Variants in DNAJC6 observed in about 807,000 individuals in gnomAD.
DNAJC6 encodes the protein DnaJ heat shock protein family (Hsp40) member C6.
In DNAJC6, 34 loss-of-function variants were observed where a neutral mutation model predicts 110.0. The observed-to-expected ratio is 0.31, with a 90% CI of 0.24 to 0.41. The LOEUF (loss-of-function observed/expected upper bound fraction) is 0.41. Ranked by LOEUF, DNAJC6 falls within the 10% of genes least tolerant of loss-of-function variation. The pLI, the probability that DNAJC6 is intolerant of heterozygous loss-of-function variation, is 1.00. For missense variants in DNAJC6, 1,031 were observed against 1,207.8 expected (o/e 0.85, Z 2.17); for synonymous variants, 406 against 437.2 (o/e 0.93, Z 0.89).
chr1:65,395,835 A>T (rs1645971610), intron 13 of DNAJC6, among the ~76,000 whole-genome samples: 1 of 152,238 alleles, frequency 6.6e-6, no homozygotes, highest in African/African-American at 2.4e-5. Context: ...ATCCATTTAT[A>T]AAAGTGTGTC....
chr1:65,348,197 C>T (rs1169958719), intron 1 of DNAJC6, among the ~76,000 whole-genome samples: 1 of 152,042 alleles, frequency 6.6e-6, no homozygotes, highest in African/African-American at 2.4e-5. Context: ...TAATTGACAC[C>T]CAGAAATACG....
chr1:65,396,881 A>T, intron 13 of DNAJC6, among the ~76,000 whole-genome samples: 1 of 152,120 alleles, frequency 6.6e-6, no homozygotes, highest in East Asian at 1.9e-4. Context: ...TTTTCCCATC[A>T]AAGTTTCTTT....
At chr1:65,364,226 T>C (rs1429666961) in intron 1 of DNAJC6, among the ~76,000 whole-genome samples, 1 of 152,218 alleles carries the variant, frequency 6.6e-6, no homozygotes, top group African/African-American at 2.4e-5. Context: ...TATATTTAAA[T>C]TATTATTTCA....
chr1:65,281,606 G>GT (rs201135715), intron 1 of DNAJC6, among the ~76,000 whole-genome samples: 5,630 of 149,356 alleles, frequency 0.038, 323 homozygotes, highest in African/African-American at 0.12. Context: ...ATTCCTTTTA[G>GT]TTTTTTTTTT....
chr1:65,385,541 T>C (rs996779729), intron 6 of DNAJC6, among the ~76,000 whole-genome samples, 171 bp from the exon 7 acceptor site: 6 of 152,250 alleles, frequency 3.9e-5, no homozygotes, highest in African/African-American at 1.4e-4. Flanking sequence ...GTAGATAAAA[T>C]GTTTCCTAAA....
At chr1:65,309,254 C>G (rs539280836), upstream of DNAJC6, among the ~76,000 whole-genome samples, 2 of 147,986 alleles carry the variant, frequency 1.4e-5, no homozygotes, top group South Asian at 4.3e-4. Context: ...TCCCCTCCCC[C>G]GACCACCCCG....
At chr1:65,392,961 T>C in intron 12 of DNAJC6, 96 bp downstream of exon 12, 1 of 1,208,410 alleles carries the variant, frequency 8.3e-7, no homozygotes, top group Non-Finnish European at 1.1e-6. Flanking sequence ...GCTAGACTTT[T>C]CTGATTTCAC....
intron 13 of DNAJC6, among the ~76,000 whole-genome samples, chr1:65,398,591 A>G (rs917470969): frequency 8.5e-5 from 13 of 152,232 alleles, no homozygotes; most frequent in African/African-American, 2.9e-4. Context: ...GAGACAAATA[A>G]TATGTCGTTT....
chr1:65,371,764 TG>T (rs1645708558), intron 4 of DNAJC6, among the ~76,000 whole-genome samples: 1 of 152,172 alleles, frequency 6.6e-6, no homozygotes, highest in African/African-American at 2.4e-5. Flanking sequence ...TGTCCTCTGA[TG>T]CTAAGCAAGC....
intron 12 of DNAJC6, 92 bp downstream of exon 12, chr1:65,392,957 C>T: frequency 4.1e-6 from 5 of 1,227,108 alleles, no homozygotes; most frequent in Non-Finnish European, 5.3e-6. Context: ...ATAAGCTAGA[C>T]TTTTCTGATT....
At chr1:65,283,344 T>A (rs1415018042) in intron 1 of DNAJC6, among the ~76,000 whole-genome samples, 1 of 152,190 alleles carries the variant, frequency 6.6e-6, no homozygotes, top group Non-Finnish European at 1.5e-5. Context: ...TAGTCTGTTC[T>A]CCATCTTTAT....
At position 65,309,770 on chromosome 1, in the gene DNAJC6, A is replaced by T; in HGVS notation, c.25A>T (p.Lys9Ter). 3 of 1,547,364 alleles carry T rather than the reference A, an allele frequency of 1.9e-6. No homozygotes were observed. The highest frequency in any genetic ancestry group is 2.6e-6 in the Non-Finnish European group (3 of 1,145,590). The part of the protein sequence containing the change: MSLLGSYR[K>*]KTSNDGYESL... ...CATGAGCCTCCTCGGGAGCTACCGGAAAAAGACCAGCAACGATGGTTATGA... is the reference window on the plus strand; with the variant it reads ...CATGAGCCTCCTCGGGAGCTACCGGTAAAAGACCAGCAACGATGGTTATGA... Residue 9 changes from lysine to a stop codon, truncating the protein, a stop_gained, in exon 1 of 19, where the codon AAA (lysine) becomes TAA (stop). Coordinates refer to ENST00000371069, the MANE Select transcript of DNAJC6 (RefSeq NM_001256864.2). LOFTEE classifies it high-confidence loss of function.
chr1:65,378,991 T>C (rs924932971), intron 4 of DNAJC6, among the ~76,000 whole-genome samples: 4 of 152,208 alleles, frequency 2.6e-5, no homozygotes, highest in African/African-American at 9.7e-5. Context: ...TCTATAGCAC[T>C]TTTCATGTTA....
intron 16 of DNAJC6, among the ~76,000 whole-genome samples, chr1:65,406,337 ACT>A (rs1340825653): frequency 1.6e-5 from 2 of 122,064 alleles, no homozygotes; most frequent in Non-Finnish European, 3.3e-5. Context: ...TATGCTCCTA[ACT>A]TTTATACCAT....
chr1:65,315,746 G>C (rs894536670), intron 1 of DNAJC6, among the ~76,000 whole-genome samples: 19 of 152,094 alleles, frequency 1.2e-4, no homozygotes, highest in Admixed American at 3.3e-4. Flanking sequence ...ATAAACTAAG[G>C]CACAGAGAGG....
In DNAJC6 at chr1:65,271,143, A is replaced by G. The variant is rs1025902144; in HGVS notation, c.-131+6211A>G. ...CATTTTTATTTTTGACTTGACGATA[A>G]CTGTATATATTTATGGGGTACAATG... On this transcript the variant is annotated intron_variant, in intron 1 of 19. Transcript: ENST00000263441. 2.7e-5 allele frequency among the ~76,000 whole-genome samples: 4 copies of G among 146,904 alleles called. No individual in the cohort carries two copies. In the South Asian group the frequency reaches 8.7e-4, roughly 32 times the overall value.
intron 1 of DNAJC6, among the ~76,000 whole-genome samples, chr1:65,298,355 T>C (rs1343014684): frequency 6.6e-6 from 1 of 152,078 alleles, no homozygotes; most frequent in Non-Finnish European, 1.5e-5. Context: ...GAATGAATGA[T>C]GTGTTGTTTT....
chr1:65,327,622 G>A (rs1386700904), intron 1 of DNAJC6, among the ~76,000 whole-genome samples: 1 of 152,152 alleles, frequency 6.6e-6, no homozygotes. Context: ...GTTTGGTCAG[G>A]TGATTTCTAC....
chr1:65,316,552 GC>G (rs1439598988), intron 1 of DNAJC6, among the ~76,000 whole-genome samples: 1 of 152,128 alleles, frequency 6.6e-6, no homozygotes, highest in Non-Finnish European at 1.5e-5. Flanking sequence ...TCTTGTCATT[GC>G]TTGGCATTTA....
Sources: allele counts gnomAD v4.1 joint callset (sites outside exome capture counted in the v4.1 genomes callset), GRCh38; gene constraint gnomAD v4.1.1; transcripts MANE v1.5; gene names NCBI Gene and HGNC (gene_info 2026-07-23, HGNC 2026-07-21).